The following SEPTIN6 variants were observed in gnomAD, a reference collection of about 807,000 sequenced individuals.
The protein encoded by SEPTIN6 is septin 6.
SEPTIN6 carries 8 observed loss-of-function variants against 33.6 expected under a neutral mutation model. The observed-to-expected ratio is 0.24, with a 90% CI of 0.14 to 0.43. The LOEUF is 0.43. Among genes scored for constraint, SEPTIN6 ranks in the 20% least tolerant of loss-of-function variants. SEPTIN6 has a pLI of 1.00. For synonymous variants in SEPTIN6, 131 were observed against 140.0 expected (o/e 0.94, Z 0.45); for missense variants, 250 against 340.8 (o/e 0.73, Z 2.10).
intron 2 of SEPTIN6, among the ~76,000 whole-genome samples, chrX:119,674,312 T>C (rs1201923018): frequency 9.1e-6 from 1 of 110,330 alleles, no homozygotes; most frequent in Non-Finnish European, 1.9e-5. Context: ...TAGCTGGGAC[T>C]ACAGGCGCCC....
At chrX:119,677,903 G>A (rs2054868487) in intron 1 of SEPTIN6, among the ~76,000 whole-genome samples, 1 of 112,716 alleles carries the variant, frequency 8.9e-6, no homozygotes, top group Admixed American at 9.4e-5. Context: ...ATCATTCAGT[G>A]AGAGTTGGTG....
At chrX:119,648,905 G>A (rs757173768) in intron 5 of SEPTIN6, among the ~76,000 whole-genome samples, 11 of 111,558 alleles carry the variant, frequency 9.9e-5, no homozygotes, top group Non-Finnish European at 2.1e-4. Context: ...CTTTCTGAAA[G>A]CTATTAGCTG....
At chrX:119,667,209 G>A (rs970354467) in intron 2 of SEPTIN6, among the ~76,000 whole-genome samples, 9 of 109,035 alleles carry the variant, frequency 8.3e-5, no homozygotes, top group Non-Finnish European at 1.7e-4. Flanking sequence ...CTGGCTCCCC[G>A]ATCCTAAGAA....
At chrX:119,616,759 AAG>A (rs2053671287), downstream of SEPTIN6, 6 of 1,177,987 alleles carry the variant, frequency 5.1e-6, no homozygotes, top group African/African-American at 1.7e-5. Flanking sequence ...AGGAGAGAGA[AAG>A]AGAAAGAAAA....
At chrX:119,656,401 T>G (rs955662094) in intron 3 of SEPTIN6, among the ~76,000 whole-genome samples, 4 of 112,276 alleles carry the variant, frequency 3.6e-5, no homozygotes, top group Non-Finnish European at 7.5e-5. Flanking sequence ...TGGAGAGATC[T>G]GGGTGAAGAG....
chrX:119,652,121 G>A (rs1361968978), intron 4 of SEPTIN6, among the ~76,000 whole-genome samples: 3 of 111,516 alleles, frequency 2.7e-5, no homozygotes, highest in Admixed American at 9.5e-5. Flanking sequence ...ACGGGATTTC[G>A]CCATGTTGGC....
intron 2 of SEPTIN6, among the ~76,000 whole-genome samples, chrX:119,674,459 G>A (rs1213125221): frequency 9.0e-6 from 1 of 111,513 alleles, no homozygotes; most frequent in African/African-American, 3.3e-5. Flanking sequence ...TTACAGGCGT[G>A]AGCCACCGTG....
In SEPTIN6 at chrX:119,619,759, C is replaced by G; in HGVS notation, c.*334G>C. 1 of 1,005,655 alleles carries G rather than the reference C, an allele frequency of 9.9e-7. No individual in the cohort carries two copies. The highest frequency in any genetic ancestry group is 1.3e-6 in the Non-Finnish European group (1 of 792,541). The allele number at this position is 1,005,655 out of a possible 1,213,427, so 82.9% of individuals were successfully genotyped here. On this transcript the variant is annotated 3_prime_UTR_variant, in exon 11 of 11. Transcript: ENST00000394610. ...TGGTGGGAAAGAGTAGCAGATGGGC[C>G]CCCTGACCATGTCACACCTCTGGCA...
intron 2 of SEPTIN6, among the ~76,000 whole-genome samples, chrX:119,667,260 G>A (rs2054656753): frequency 9.2e-6 from 1 of 108,965 alleles, no homozygotes; most frequent in Non-Finnish European, 1.9e-5. Flanking sequence ...CAGTACCCCC[G>A]AGAGTGCCTA....
At chrX:119,652,057 G>A (rs2054359880) in intron 4 of SEPTIN6, among the ~76,000 whole-genome samples, 1 of 111,750 alleles carries the variant, frequency 8.9e-6, no homozygotes, top group Admixed American at 9.5e-5. Context: ...CCCAATAGCT[G>A]GGATTATAAA....
chrX:119,682,229 C>G (rs2054973063), intron 1 of SEPTIN6, among the ~76,000 whole-genome samples: 1 of 111,280 alleles, frequency 9.0e-6, no homozygotes, highest in African/African-American at 3.3e-5. Flanking sequence ...GAAATAGGGG[C>G]TCAGTCAAGG....
intron 2 of SEPTIN6, among the ~76,000 whole-genome samples, chrX:119,669,600 G>A (rs937692522): frequency 8.9e-6 from 1 of 111,872 alleles, no homozygotes; most frequent in African/African-American, 3.2e-5. Context: ...CCAAGCCCAC[G>A]TGCAGTGATG....
chrX:119,692,984 T>C, intron 1 of SEPTIN6, 92 bp downstream of exon 1: 1 of 966,867 alleles, frequency 1.0e-6, no homozygotes, highest in South Asian at 2.1e-5. Flanking sequence ...TGCTGCCCAC[T>C]GCCCTCCTCG....
downstream of SEPTIN6, chrX:119,616,311 G>A: frequency 3.2e-6 from 1 of 310,269 alleles, no homozygotes; most frequent in Non-Finnish European, 5.9e-6. Context: ...TCAACCCATC[G>A]AACCAGAGAA....
chrX:119,656,614 G>A (rs544991104), intron 3 of SEPTIN6, among the ~76,000 whole-genome samples: 12 of 112,844 alleles, frequency 1.1e-4, no homozygotes, highest in Non-Finnish European at 1.9e-4. Flanking sequence ...GAGGCCAGGC[G>A]CAGTGGCTCA....
intron 8 of SEPTIN6, among the ~76,000 whole-genome samples, chrX:119,632,570 C>G (rs957852768): frequency 9.1e-6 from 1 of 110,175 alleles, no homozygotes; most frequent in Non-Finnish European, 1.9e-5. Flanking sequence ...GGTGAGAACC[C>G]TTGAGAGTGT....
chrX:119,665,010 T>A (rs1167151143), intron 2 of SEPTIN6, among the ~76,000 whole-genome samples: 1 of 110,247 alleles, frequency 9.1e-6, no homozygotes, highest in Non-Finnish European at 1.9e-5. Context: ...CCCAGCCTGG[T>A]TGAACGGTTG....
intron 3 of SEPTIN6, among the ~76,000 whole-genome samples, chrX:119,656,940 C>T (rs779334200): frequency 9.2e-6 from 1 of 108,416 alleles, no homozygotes; most frequent in Admixed American, 9.9e-5. Flanking sequence ...ATGTGGAGGC[C>T]AGGTGGGGTG....
chrX:119,619,517 C>T lies in SEPTIN6; in HGVS notation c.*576G>A. 1 of 816,185 alleles carries T rather than the reference C, an allele frequency of 1.2e-6. No homozygotes were observed. Among genetic ancestry groups the T allele is most frequent in the Non-Finnish European group, 1.5e-6 (1 of 677,898 alleles). 67.3% of individuals were successfully genotyped at this position (816,185 alleles called of 1,213,427 possible). ...AATGAAAACTGGAAAGGGCTGGACTCAAAGGTTAGAAGGAAAAGGCGCCAA... is the reference window on the plus strand; with the variant it reads ...AATGAAAACTGGAAAGGGCTGGACTTAAAGGTTAGAAGGAAAAGGCGCCAA... On this transcript the variant is annotated 3_prime_UTR_variant, in exon 11 of 11. Transcript: ENST00000394610.
Sources: allele counts gnomAD v4.1 joint callset (sites outside exome capture counted in the v4.1 genomes callset), GRCh38; gene constraint gnomAD v4.1.1; transcripts MANE v1.5; gene names NCBI Gene and HGNC (gene_info 2026-07-23, HGNC 2026-07-21).